Variants in SCHIP1 observed in about 807,000 individuals in gnomAD.
The protein encoded by SCHIP1 is schwannomin-interacting protein 1.
SCHIP1 carries 8 observed loss-of-function variants against 29.7 expected under a neutral mutation model. The observed-to-expected ratio is 0.27, with a 90% CI of 0.16 to 0.49. SCHIP1 has a LOEUF of 0.49. Ranked by LOEUF, SCHIP1 falls within the 20% of genes least tolerant of loss-of-function variation. The pLI is 0.99. For missense variants in SCHIP1, 193 were observed against 294.6 expected, an observed-to-expected ratio of 0.66 and a Z score of 2.52; for synonymous variants, 76 against 94.9, an observed-to-expected ratio of 0.80 and a Z score of 1.16.
At chr3:159,377,230 T>C in the SCHIP1 span, among the ~76,000 whole-genome samples, 1 of 152,298 alleles carries the variant, frequency 6.6e-6, no homozygotes, top group South Asian at 2.1e-4. Flanking sequence ...GTCTATTAAC[T>C]TGCTTAGTTT....
chr3:159,775,373 C>T, the SCHIP1 span, among the ~76,000 whole-genome samples: 1 of 152,184 alleles, frequency 6.6e-6, no homozygotes, highest in Non-Finnish European at 1.5e-5. Flanking sequence ...GGCAGAAACC[C>T]TCTGCAGCCT....
At chr3:159,761,118 T>A in the SCHIP1 span, among the ~76,000 whole-genome samples, 1 of 152,136 alleles carries the variant, frequency 6.6e-6, no homozygotes, top group Non-Finnish European at 1.5e-5. Flanking sequence ...GAGCAGTGAG[T>A]AGACCTGGGT....
chr3:159,468,646 C>A, the SCHIP1 span, among the ~76,000 whole-genome samples: 1 of 147,870 alleles, frequency 6.8e-6, no homozygotes, highest in African/African-American at 2.5e-5. Context: ...TAAAATTATT[C>A]TAAATTGGCT....
the SCHIP1 span, among the ~76,000 whole-genome samples, chr3:159,757,722 A>AG: frequency 6.6e-6 from 1 of 151,958 alleles, no homozygotes; most frequent in Admixed American, 6.6e-5. Context: ...AGCTAGCTGC[A>AG]GGGATGGTCT....
the SCHIP1 span, among the ~76,000 whole-genome samples, chr3:159,420,415 G>A: frequency 1.6e-4 from 25 of 152,292 alleles, no homozygotes; most frequent in Non-Finnish European, 1.8e-4. Flanking sequence ...TTAGATTGAC[G>A]CATCAGGTTC....
At chr3:159,316,538 T>G in the SCHIP1 span, among the ~76,000 whole-genome samples, 21 of 152,234 alleles carry the variant, frequency 1.4e-4, no homozygotes, top group Non-Finnish European at 2.9e-4. Context: ...ATTAATACTT[T>G]GTATCCCTCA....
chr3:159,891,898 G>A (rs1192633796), intron 5 of SCHIP1, among the ~76,000 whole-genome samples, 199 bp from the exon 7 acceptor site: 3 of 152,254 alleles, frequency 2.0e-5, no homozygotes, highest in South Asian at 2.1e-4. Flanking sequence ...GAAATAGTTC[G>A]TACTTTACTC....
chr3:159,552,651 T>C, the SCHIP1 span, among the ~76,000 whole-genome samples: 1 of 152,352 alleles, frequency 6.6e-6, no homozygotes, highest in African/African-American at 2.4e-5. Flanking sequence ...TGATTAGTGT[T>C]TTTAAAAACA....
chr3:159,851,739 T>C (rs1227340690), intron 1 of SCHIP1, among the ~76,000 whole-genome samples: 1 of 152,172 alleles, frequency 6.6e-6, no homozygotes, highest in Non-Finnish European at 1.5e-5. Flanking sequence ...CAGCAGTCTG[T>C]GGCCAGCATT....
At chr3:159,417,117 T>C in the SCHIP1 span, among the ~76,000 whole-genome samples, 2 of 152,240 alleles carry the variant, frequency 1.3e-5, no homozygotes, top group Admixed American at 1.3e-4. Flanking sequence ...ACAAGTGTCA[T>C]ATTTCAGTCC....
intron 2 of SCHIP1, among the ~76,000 whole-genome samples, chr3:159,869,332 A>G (rs1714985810): frequency 6.6e-6 from 1 of 152,032 alleles, no homozygotes; most frequent in African/African-American, 2.4e-5. Flanking sequence ...CCAAGATCCA[A>G]TAGACATTCA....
chr3:159,858,943 G>A (rs537361563), intron 1 of SCHIP1, among the ~76,000 whole-genome samples: 37 of 152,344 alleles, frequency 2.4e-4, no homozygotes, highest in African/African-American at 6.7e-4. Context: ...CCTGTATTTG[G>A]CAGCTCATCT....
chr3:159,589,312 G>A, the SCHIP1 span, among the ~76,000 whole-genome samples: 2 of 152,260 alleles, frequency 1.3e-5, no homozygotes, highest in African/African-American at 4.8e-5. Flanking sequence ...CATTGATTTT[G>A]TATCCTGAGA....
the SCHIP1 span, chr3:159,282,791 A>G: frequency 6.6e-6 from 1 of 152,134 alleles, no homozygotes; most frequent in Non-Finnish European, 1.5e-5. Flanking sequence ...AACTACCTTC[A>G]TGAATAGACA....
At chr3:159,761,360 G>C in the SCHIP1 span, among the ~76,000 whole-genome samples, 1 of 152,216 alleles carries the variant, frequency 6.6e-6, no homozygotes, top group Non-Finnish European at 1.5e-5. Context: ...TGGAGCCAGA[G>C]CACAAAGGTG....
In SCHIP1 at chr3:159,889,053, G is replaced by T; in HGVS notation, c.589+110G>T. 11 of 1,366,900 alleles carry T rather than the reference G, an allele frequency of 8.0e-6. No homozygotes were observed. In the South Asian group the frequency reaches 1.8e-4, roughly 22 times the overall value. The allele number at this position is 1,366,900 out of a possible 1,614,324, so 84.7% of individuals were successfully genotyped here. ...ACAACATTTCATTGGGTTCCTGTGTGATTGCAAGGAAAATAAGAGAATCAC... is the reference window on the plus strand; with the variant it reads ...ACAACATTTCATTGGGTTCCTGTGTTATTGCAAGGAAAATAAGAGAATCAC... On this transcript the variant is annotated intron_variant, in intron 5 of 6. Coordinates refer to ENST00000445224, the Ensembl canonical transcript of SCHIP1.
chr3:159,728,868 G>A, the SCHIP1 span, among the ~76,000 whole-genome samples: 198 of 152,284 alleles, frequency 1.3e-3, 1 homozygote, highest in African/African-American at 4.5e-3. Flanking sequence ...GATGTGTTCC[G>A]GCCAGGCGCA....
At chr3:159,461,901 A>C in the SCHIP1 span, among the ~76,000 whole-genome samples, 1 of 152,182 alleles carries the variant, frequency 6.6e-6, no homozygotes, top group Non-Finnish European at 1.5e-5. Context: ...GCAGATAAAC[A>C]TAAAGAGCAA....
At chr3:159,278,041 C>T in the SCHIP1 span, among the ~76,000 whole-genome samples, 1 of 152,114 alleles carries the variant, frequency 6.6e-6, no homozygotes, top group Non-Finnish European at 1.5e-5. Context: ...AGGGGACTCC[C>T]TAATGGTGTG....
Sources: allele counts gnomAD v4.1 joint callset (sites outside exome capture counted in the v4.1 genomes callset), GRCh38; gene constraint gnomAD v4.1.1; transcripts MANE v1.5; gene names NCBI Gene and HGNC (gene_info 2026-07-23, HGNC 2026-07-21).